The following DIAPH3 variants were observed in gnomAD, a reference collection of about 807,000 sequenced individuals.
The protein encoded by DIAPH3 is protein diaphanous homolog 3.
DIAPH3 carries 117 observed loss-of-function variants against 144.3 expected under a neutral mutation model. The ratio of observed to expected loss-of-function variants is 0.81; its 90% CI spans 0.70 to 0.95. The LOEUF (loss-of-function observed/expected upper bound fraction) is 0.95, where lower values mean the gene tolerates loss of function less well. DIAPH3 is among the 40% of genes least tolerant of loss of function. DIAPH3 has a pLI of 0.00. For missense variants in DIAPH3, 1,421 were observed against 1,412.7 expected (o/e 1.01, Z -0.09); for synonymous variants, 519 against 488.9 (o/e 1.06, Z -0.81).
chr13:59,775,331 C>T (rs1340404498), intron 25 of DIAPH3, among the ~76,000 whole-genome samples: 1 of 152,136 alleles, frequency 6.6e-6, no homozygotes, highest in Non-Finnish European at 1.5e-5. Context: ...CAAGCCCTGC[C>T]TTCCAGGTTT....
At chr13:60,049,497 C>A (rs559610738) in intron 4 of DIAPH3, among the ~76,000 whole-genome samples, 1 of 152,284 alleles carries the variant, frequency 6.6e-6, no homozygotes, top group South Asian at 2.1e-4. Context: ...AAACCCTCAC[C>A]ACCACTACTA....
chr13:60,077,469 C>T (rs1009457505), intron 4 of DIAPH3, among the ~76,000 whole-genome samples: 6 of 152,072 alleles, frequency 3.9e-5, no homozygotes, highest in East Asian at 1.9e-4. Context: ...GGAGATTACA[C>T]GCACACACAG....
intron 21 of DIAPH3, 47 bp from the exon 22 acceptor site, chr13:59,861,583 G>C: frequency 6.4e-7 from 1 of 1,560,016 alleles, no homozygotes; most frequent in Middle Eastern, 1.7e-4. Context: ...TAAGTATGTT[G>C]ATATTCTGTC....
chr13:59,971,190 T>C (rs780601179), intron 15 of DIAPH3, 30 bp from the exon 16 acceptor site: 39 of 1,545,170 alleles, frequency 2.5e-5, no homozygotes, highest in Non-Finnish European at 3.3e-5. Context: ...GAGACATAAC[T>C]AAGAACATAT....
At chr13:59,991,097 A>G in intron 12 of DIAPH3, 61 bp downstream of exon 12, 4 of 1,080,288 alleles carry the variant, frequency 3.7e-6, no homozygotes, top group African/African-American at 1.6e-5. Flanking sequence ...TATGATGTGA[A>G]TTTCACAATT....
chr13:59,873,672 T>A (rs1393963732), intron 21 of DIAPH3, among the ~76,000 whole-genome samples: 2 of 111,748 alleles, frequency 1.8e-5, no homozygotes, highest in African/African-American at 5.8e-5. Flanking sequence ...TTTTCACCAC[T>A]TTTTCTTTTT....
At chr13:59,721,584 A>G (rs1005236616) in intron 27 of DIAPH3, among the ~76,000 whole-genome samples, 4 of 152,330 alleles carry the variant, frequency 2.6e-5, no homozygotes, top group Middle Eastern at 3.4e-3. Flanking sequence ...AAAAATCCCA[A>G]GGAAAAGAAA....
chr13:59,886,186 C>A (rs1391938610), intron 20 of DIAPH3, among the ~76,000 whole-genome samples: 2 of 152,056 alleles, frequency 1.3e-5, no homozygotes, highest in Non-Finnish European at 2.9e-5. Context: ...TAGGTCCGTA[C>A]TCCATTCCTC....
At position 59,974,338 on chromosome 13, in the gene DIAPH3, G is replaced by C. The variant is rs1228058207; in HGVS notation, c.1650+14C>G. On this transcript the variant is annotated intron_variant, in intron 15 of 27. Transcript: ENST00000400324. ...TGTTTTTAATACCCAAATTCACTCA[G>C]AGTGGAATTTTACCTGAGACTTAAA... 2.5e-6 allele frequency: 4 copies of C among 1,598,630 alleles called. No individual in the cohort carries two copies. The highest frequency in any genetic ancestry group is 3.4e-6 in the Non-Finnish European group (4 of 1,167,596).
chr13:59,854,340 T>C (rs1207779769), intron 22 of DIAPH3, among the ~76,000 whole-genome samples: 1 of 152,186 alleles, frequency 6.6e-6, no homozygotes, highest in Non-Finnish European at 1.5e-5. Flanking sequence ...TTGTGGTAAT[T>C]GGTTATGGCA....
At chr13:59,969,819 C>T in intron 17 of DIAPH3, 125 bp downstream of exon 17, 2 of 539,010 alleles carry the variant, frequency 3.7e-6, no homozygotes, top group East Asian at 3.4e-5. Context: ...TTTATTTGCC[C>T]ATTAGGAATG....
intron 20 of DIAPH3, among the ~76,000 whole-genome samples, chr13:59,902,906 T>C (rs1055032122): frequency 6.6e-6 from 1 of 152,248 alleles, no homozygotes; most frequent in Non-Finnish European, 1.5e-5. Context: ...TTCAAACCAA[T>C]GTTCTCACTG....
At chr13:59,877,802 G>C (rs2044728613) in intron 21 of DIAPH3, among the ~76,000 whole-genome samples, 1 of 151,664 alleles carries the variant, frequency 6.6e-6, no homozygotes, top group African/African-American at 2.4e-5. Context: ...GTTTGCAAAG[G>C]TAGTAGGCCA....
intron 27 of DIAPH3, among the ~76,000 whole-genome samples, chr13:59,769,480 C>T (rs1401177201): frequency 6.6e-6 from 1 of 152,040 alleles, no homozygotes; most frequent in African/African-American, 2.4e-5. Flanking sequence ...AGATAACTCA[C>T]TTGCTTATGA....
intron 27 of DIAPH3, among the ~76,000 whole-genome samples, chr13:59,675,178 G>A (rs1863582675): frequency 6.6e-6 from 1 of 152,032 alleles, no homozygotes; most frequent in African/African-American, 2.4e-5. Flanking sequence ...GTATCCTCTT[G>A]TCTTGGCCTT....
At chr13:59,872,199 G>T (rs6562060) in intron 21 of DIAPH3, among the ~76,000 whole-genome samples, 146,423 of 152,294 alleles carry the variant, frequency 0.96, 70,647 homozygotes, top group East Asian at 1. Flanking sequence ...TTCTAATATA[G>T]GCACTTGATG....
chr13:60,000,887 A>C (rs2052482667), intron 9 of DIAPH3, among the ~76,000 whole-genome samples: 1 of 152,206 alleles, frequency 6.6e-6, no homozygotes, highest in Admixed American at 6.5e-5. Context: ...CATTCCATTC[A>C]ATCTACATCC....
At chr13:59,926,470 T>G (rs2047759749) in intron 17 of DIAPH3, among the ~76,000 whole-genome samples, 2 of 152,226 alleles carry the variant, frequency 1.3e-5, no homozygotes. Context: ...CTCCTAGTAC[T>G]GTTTGTGCTA....
intron 5 of DIAPH3, chr13:60,034,659 G>A (rs1436852368): frequency 6.6e-6 from 1 of 152,160 alleles, no homozygotes; most frequent in Admixed American, 6.5e-5. Context: ...GTGGACACCT[G>A]ATTGGCACAG....
Sources: allele counts gnomAD v4.1 joint callset (sites outside exome capture counted in the v4.1 genomes callset), GRCh38; gene constraint gnomAD v4.1.1; transcripts MANE v1.5; gene names NCBI Gene and HGNC (gene_info 2026-07-23, HGNC 2026-07-21).